CLCN6: variants seen among roughly 807,000 people sequenced by gnomAD.
The protein encoded by CLCN6 is Cl-/H+ antiporter 6.
CLCN6 carries 70 observed loss-of-function variants against 109.8 expected under a neutral mutation model. The observed-to-expected ratio is 0.64, with a 90% CI of 0.53 to 0.78. CLCN6 has a LOEUF of 0.78. Ranked by LOEUF, CLCN6 falls within the 30% of genes least tolerant of loss-of-function variation. CLCN6 has a pLI of 0.00. For synonymous variants in CLCN6, 444 were observed against 447.8 expected (o/e 0.99, Z 0.11); for missense variants, 984 against 1,142.3 (o/e 0.86, Z 2.00).
Position 11,824,468 on chromosome 1 carries a change from C to T in CLCN6, c.581-18C>T, listed in dbSNP as rs1333139744. 5 of 1,608,890 alleles carry T rather than the reference C, an allele frequency of 3.1e-6. No homozygotes were observed. Among genetic ancestry groups the T allele is most frequent in the Non-Finnish European group, 3.4e-6 (4 of 1,176,928 alleles). On this transcript the variant is annotated intron_variant, in intron 7 of 22. Coordinates refer to ENST00000346436, the MANE Select transcript of CLCN6 (RefSeq NM_001286.5). ...TTTCTGCACTGACTGTTGGTCTTTC[C>T]TTTTTCACCCTGCCCAGGGCTCTTC...
At chr1:11,829,580 A>G (rs973771790) in intron 13 of CLCN6, among the ~76,000 whole-genome samples, 4 of 151,352 alleles carry the variant, frequency 2.6e-5, no homozygotes, top group African/African-American at 9.7e-5. Context: ...CTGGCGTCAC[A>G]GAGGGGAACC....
Position 11,823,780 on chromosome 1 carries a change from G to A in CLCN6, c.527G>A (p.Arg176His), listed in dbSNP as rs753482229. Residue 176 changes from arginine (R) to histidine (H), a missense_variant, in exon 7 of 23, where the codon CGT becomes CAT. Arg to His is a conservative substitution (Grantham distance 29). Coordinates refer to ENST00000346436, the MANE Select transcript of CLCN6 (RefSeq NM_001286.5). ...LNGVKVPGIV[R>H]LRTLLCKVLG... ...GGCGTAAAGGTGCCAGGAATCGTCCGTCTCCGGACCCTGCTCTGCAAGGTC... is the reference window on the plus strand; with the variant it reads ...GGCGTAAAGGTGCCAGGAATCGTCCATCTCCGGACCCTGCTCTGCAAGGTC... The A allele has an allele frequency of 7.4e-6, 12 of 1,614,146 alleles. No individual in the cohort carries two copies. Among genetic ancestry groups the A allele is most frequent in the South Asian group, 4.4e-5 (4 of 91,094 alleles).
chr1:11,822,078 G>GT (rs70987205), intron 5 of CLCN6, among the ~76,000 whole-genome samples: 19,064 of 146,596 alleles, frequency 0.13, 1,480 homozygotes, highest in Middle Eastern at 0.22. Context: ...AAGGAAAACT[G>GT]TTTTTTTTTT....
intron 13 of CLCN6, among the ~76,000 whole-genome samples, chr1:11,832,474 A>G (rs1644893675): frequency 6.6e-6 from 1 of 152,242 alleles, no homozygotes; most frequent in Non-Finnish European, 1.5e-5. Context: ...AGCTGAGCTC[A>G]TCCCCCGTGC....
At position 11,812,665 on chromosome 1, in the gene CLCN6, TG is replaced by T. The variant is rs1238353962; in HGVS notation, c.148-3180del. Among the ~76,000 whole-genome samples the T allele has an allele frequency of 4.9e-3, 20 of 4,062 alleles. No homozygotes were observed. In the East Asian group the frequency reaches 0.13, roughly 27 times the overall value. The allele number at this position is 4,062 out of a possible 152,430, so 2.7% of individuals were successfully genotyped here. On this transcript the variant is annotated intron_variant, in intron 2 of 22. Transcript: ENST00000346436. ...AAAAAAAAAAAAGACAAAGTATGTT[TG>T]TGTGTGTGTGTGTGTGTGTGTGTGT...
chr1:11,834,455 T>A lies in CLCN6; in HGVS notation c.1687-29T>A. On this transcript the variant is annotated intron_variant, in intron 16 of 22. Transcript: ENST00000346436. The surrounding 1 kb of genome is among the most constrained non-coding windows in gnomAD (Gnocchi z 4.5). ...AGGGCCACGTCCGCCCCACAGGACC[T>A]ATTTTTAGGTCTTTGCTTTGTGTTT... The A allele has an allele frequency of 6.2e-7, 1 of 1,613,680 alleles. No homozygotes were observed. The highest frequency in any genetic ancestry group is 1.6e-4 in the Middle Eastern group (1 of 6,062).
chr1:11,809,689 C>T (rs1644572630), intron 2 of CLCN6, among the ~76,000 whole-genome samples: 1 of 152,128 alleles, frequency 6.6e-6, no homozygotes, highest in Non-Finnish European at 1.5e-5. Context: ...AACTCCTGAC[C>T]TCAGGTGATC....
intron 6 of CLCN6, 57 bp downstream of exon 6, chr1:11,822,858 T>C: frequency 2.9e-6 from 3 of 1,040,680 alleles, no homozygotes; most frequent in Non-Finnish European, 4.5e-6. Flanking sequence ...CCGCACTCCT[T>C]TTCCCCACCT....
chr1:11,831,777 G>T (rs1644887271), intron 13 of CLCN6, among the ~76,000 whole-genome samples: 1 of 151,996 alleles, frequency 6.6e-6, no homozygotes, highest in Admixed American at 6.6e-5. Flanking sequence ...TCAAACTCCT[G>T]GGCTCAAGCG....
At position 11,816,761 on chromosome 1, in the gene CLCN6, A is replaced by T. The variant is rs985017942; in HGVS notation, c.279+81A>T. 6.3e-6 allele frequency: 6 copies of T among 953,392 alleles called. No individual in the cohort carries two copies. The East Asian group carries it at 8.1e-5, about 13-fold the overall frequency. 59.1% of individuals were successfully genotyped at this position (953,392 alleles called of 1,614,324 possible). ...GGAAAGCCCTGGCCTGGTGAATAAC[A>T]TTGTCATTTGTCATTATAACATTTA... On this transcript the variant is annotated intron_variant, in intron 4 of 22. Coordinates refer to ENST00000346436, the MANE Select transcript of CLCN6 (RefSeq NM_001286.5).
intron 13 of CLCN6, 150 bp downstream of exon 13, chr1:11,829,472 C>T (rs973699706): frequency 7.5e-6 from 7 of 939,568 alleles, no homozygotes; most frequent in Non-Finnish European, 9.6e-6. Flanking sequence ...AATCTGTAGT[C>T]GTCTTTTTAC....
At chr1:11,823,016 G>C (rs923379336) in intron 6 of CLCN6, among the ~76,000 whole-genome samples, 7 of 152,178 alleles carry the variant, frequency 4.6e-5, no homozygotes, top group African/African-American at 1.4e-4. Flanking sequence ...TACAGATTCT[G>C]GGGGGAGGAA....
intron 22 of CLCN6, 167 bp downstream of exon 22, chr1:11,838,827 C>A: frequency 1.0e-6 from 1 of 981,774 alleles, no homozygotes; most frequent in African/African-American, 1.6e-5. Flanking sequence ...ACTCGGGACC[C>A]TTTCCCCTGC....
rs373540603 is a variant in CLCN6, at chr1:11,829,469, AGTC to A, written c.1248+151_1248+153del. ...AGCGTTGAGAGATATGGGAATCTGTAGTCGTCTTTTTACCTCAGAGAAAGTGCA... is the reference window on the plus strand; with the variant it reads ...AGCGTTGAGAGATATGGGAATCTGTAGTCTTTTTACCTCAGAGAAAGTGCA... On this transcript the variant is annotated intron_variant, in intron 13 of 22. Coordinates refer to ENST00000346436, the MANE Select transcript of CLCN6 (RefSeq NM_001286.5). 6.0e-4 allele frequency: 593 copies of A among 986,628 alleles called. 3 individuals are homozygous for A. In the African/African-American group the frequency reaches 7.6e-3, roughly 13 times the overall value. 61.1% of individuals were successfully genotyped at this position (986,628 alleles called of 1,614,324 possible). A position where few individuals can be genotyped will look rare whatever the true frequency, so the allele number is the denominator to read the frequency against.
In CLCN6 at chr1:11,838,286, G is replaced by T. The variant is rs1257336710; in HGVS notation, c.2296-49G>T. ...AGGGGAGGGGCTCTAAGGTGACCCT[G>T]CTGGCCACTGCTGCCTGAGCACGGA... On this transcript the variant is annotated intron_variant, in intron 20 of 22. Coordinates refer to ENST00000346436, the MANE Select transcript of CLCN6 (RefSeq NM_001286.5). 4 of 1,544,916 alleles carry T rather than the reference G, an allele frequency of 2.6e-6. No individual in the cohort carries two copies. In the Admixed American group the frequency reaches 6.7e-5, roughly 26 times the overall value.
In CLCN6 at chr1:11,843,068, C is replaced by G. The variant is rs1338004544; in HGVS notation, c.*2845C>G. ...TTGTAAAATGCTATTTTTATTTGAACCTTTGGAACTTGGGAGTTCTCATTG... is the reference window on the plus strand; with the variant it reads ...TTGTAAAATGCTATTTTTATTTGAAGCTTTGGAACTTGGGAGTTCTCATTG... On this transcript the variant is annotated 3_prime_UTR_variant, in exon 23 of 23. Coordinates refer to ENST00000346436, the MANE Select transcript of CLCN6 (RefSeq NM_001286.5). 1 of 152,142 alleles carries G rather than the reference C, an allele frequency of 6.6e-6. No homozygotes were observed. The highest frequency in any genetic ancestry group is 1.5e-5 in the Non-Finnish European group (1 of 68,020). 9.4% of individuals were successfully genotyped at this position (152,142 alleles called of 1,614,324 possible). A position where few individuals can be genotyped will look rare whatever the true frequency, so the allele number is the denominator to read the frequency against.
chr1:11,833,832 G>C (rs1034597702), intron 14 of CLCN6, 45 bp from the exon 15 acceptor site: 5 of 1,586,532 alleles, frequency 3.2e-6, no homozygotes, highest in Non-Finnish European at 4.3e-6. Flanking sequence ...ACTGGGCCTT[G>C]GCAGGCATCC....
chr1:11,806,382 G>T, intron 1 of CLCN6, 33 bp downstream of exon 1: 1 of 1,481,880 alleles, frequency 6.7e-7, no homozygotes, highest in East Asian at 2.9e-5. Flanking sequence ...CTGGGGAGGG[G>T]GCGGTTGCTA....
rs376413895 is a variant in CLCN6, at chr1:11,841,999, C to T, written c.*1776C>T. On this transcript the variant is annotated 3_prime_UTR_variant, in exon 23 of 23. Transcript: ENST00000346436. Reference sequence around the variant, plus strand: ...TCTTATTTAAATGTTACTATTTGGCCAGCTGCTGCTGTGTTTTATGGCAGT... The same window carrying T: ...TCTTATTTAAATGTTACTATTTGGCTAGCTGCTGCTGTGTTTTATGGCAGT... 8.1e-4 allele frequency: 123 copies of T among 152,336 alleles called. No homozygotes were observed. Among genetic ancestry groups the T allele is most frequent in the African/African-American group, 2.8e-3 (118 of 41,576 alleles). The allele number at this position is 152,336 out of a possible 1,614,324, so 9.4% of individuals were successfully genotyped here. A position where few individuals can be genotyped will look rare whatever the true frequency, so the allele number is the denominator to read the frequency against.
Sources: allele counts gnomAD v4.1 joint callset (sites outside exome capture counted in the v4.1 genomes callset), GRCh38; gene constraint gnomAD v4.1.1; non-coding constraint Gnocchi (gnomAD v3.1); transcripts MANE v1.5; gene names NCBI Gene and HGNC (gene_info 2026-07-23, HGNC 2026-07-21).